The following MFSD6 variants were observed in gnomAD, a reference collection of about 807,000 sequenced individuals.
MFSD6 encodes major facilitator superfamily domain-containing protein 6.
Under a neutral mutation model 56.3 loss-of-function variants are expected in MFSD6, and 26 were observed. The ratio of observed to expected loss-of-function variants is 0.46; its 90% CI spans 0.34 to 0.64. The LOEUF is 0.64. Ranked by LOEUF, MFSD6 falls within the 30% of genes least tolerant of loss-of-function variation. The probability of loss-of-function intolerance (pLI) is 0.01; values close to 1 mark genes in which losing one functional copy is unlikely to be tolerated. For missense variants in MFSD6, 750 were observed against 986.2 expected (o/e 0.76, Z 3.21); for synonymous variants, 331 against 366.9 (o/e 0.90, Z 1.12).
Position 190,499,289 on chromosome 2 carries a change from T to G in MFSD6, c.2173-726T>G, listed in dbSNP as rs1689895662. Among the ~76,000 whole-genome samples, 1 of 152,224 alleles carries G rather than the reference T, an allele frequency of 6.6e-6. No homozygotes were observed. The highest frequency in any genetic ancestry group is 1.5e-5 in the Non-Finnish European group (1 of 68,036). On this transcript the variant is annotated intron_variant, in intron 7 of 7. Coordinates refer to ENST00000392328, the MANE Select transcript of MFSD6 (RefSeq NM_017694.4). This position sits in a 1 kb window ranked among gnomAD's most constrained non-coding sequence, Gnocchi z 6.0. ...TTCTTTCATTGTAGAATCACAGAAA[T>G]GAACATTTTTATTTGGGTGTTCAGC...
chr2:190,477,456 TGA>T lies in MFSD6; in HGVS notation c.1630+7603_1630+7604del, dbSNP rs1301509478. 5 of 758,220 alleles carry T rather than the reference TGA, an allele frequency of 6.6e-6. No individual in the cohort carries two copies. In the East Asian group the frequency reaches 3.9e-4, roughly 59 times the overall value. 47.0% of individuals were successfully genotyped at this position (758,220 alleles called of 1,614,324 possible). ...ACTTTTTTATCCTTTTAGTTTAAAATGAGTTAGGTGGAAAAGGACGGTTTCCA... is the reference window on the plus strand; with the variant it reads ...ACTTTTTTATCCTTTTAGTTTAAAATGTTAGGTGGAAAAGGACGGTTTCCA... On this transcript the variant is annotated intron_variant, in intron 4 of 7. Transcript: ENST00000392328.
rs1260228689 is a variant in MFSD6 at position 190,465,164 on chromosome 2, G to T, written c.1533-4594G>T. 6.6e-6 allele frequency among the ~76,000 whole-genome samples: 1 copy of T among 152,128 alleles called. No individual in the cohort carries two copies. Among genetic ancestry groups the T allele is most frequent in the Non-Finnish European group, 1.5e-5 (1 of 68,024 alleles). ...TTTTTTTCTCCTACTCTTGTAGTTT[G>T]CTCAAATACAGGATAAAAAACGAGT... On this transcript the variant is annotated intron_variant, in intron 3 of 7. Transcript: ENST00000392328. The surrounding 1 kb of genome is among the most constrained non-coding windows in gnomAD (Gnocchi z 4.6).
In MFSD6 at chr2:190,411,734, G is replaced by A. The variant is rs1690574553; in HGVS notation, c.-176+3231G>A. The A allele has an allele frequency of 1.1e-5, 11 of 985,256 alleles. No individual in the cohort carries two copies. In the South Asian group the frequency reaches 5.2e-4, roughly 46 times the overall value. The allele number at this position is 985,256 out of a possible 1,614,324, so 61.0% of individuals were successfully genotyped here. ...GTGAAAGGTGGCATACTGAGAATTG[G>A]GGGGCAAAGGGTAAAGAGTCTCAGG... is the stretch of plus-strand genomic sequence containing the variant. On this transcript the variant is annotated intron_variant, in intron 1 of 7. Coordinates refer to ENST00000392328, the MANE Select transcript of MFSD6 (RefSeq NM_017694.4).
rs970766326 is a variant in MFSD6 at position 190,462,301 on chromosome 2, T to C, written c.1533-7457T>C. On this transcript the variant is annotated intron_variant, in intron 3 of 7. Transcript: ENST00000392328. The surrounding 1 kb of genome is among the most constrained non-coding windows in gnomAD (Gnocchi z 5.7). ...AAAATGTGCACAGGACAAATTTTAG[T>C]GTTTCAGACACTGGCATTTAGCACC... 2.6e-5 allele frequency among the ~76,000 whole-genome samples: 4 copies of C among 152,178 alleles called. No individual in the cohort carries two copies. Among genetic ancestry groups the C allele is most frequent in the African/African-American group, 9.7e-5 (4 of 41,438 alleles).
At position 190,491,753 on chromosome 2, in the gene MFSD6, TTAACCTG is replaced by T. The variant is rs1689369097; in HGVS notation, c.1891+1888_1891+1894del. ...TAGTAATATGACAAAACAAGGTTCT[TTAACCTG>T]CCCCAACAAAATCACACTAGCACCA... On this transcript the variant is annotated intron_variant, in intron 6 of 7. Coordinates refer to ENST00000392328, the MANE Select transcript of MFSD6 (RefSeq NM_017694.4). This position sits in a 1 kb window ranked among gnomAD's most constrained non-coding sequence, Gnocchi z 4.2. 6.6e-6 allele frequency among the ~76,000 whole-genome samples: 1 copy of T among 152,160 alleles called. No homozygotes were observed.
chr2:190,467,353 C>G lies in MFSD6; in HGVS notation c.1533-2405C>G, dbSNP rs1687656556. ...TAAGAATTAAGGAGCTGGCTCATGC[C>G]TGTAATTCCAGCATTTTGGGAGGCC... On this transcript the variant is annotated intron_variant, in intron 3 of 7. Coordinates refer to ENST00000392328, the MANE Select transcript of MFSD6 (RefSeq NM_017694.4). This position sits in a 1 kb window ranked among gnomAD's most constrained non-coding sequence, Gnocchi z 5.5. Among the ~76,000 whole-genome samples the G allele has an allele frequency of 6.6e-6, 1 of 151,140 alleles. No individual in the cohort carries two copies. The highest frequency in any genetic ancestry group is 1.5e-5 in the Non-Finnish European group (1 of 67,504).
rs1687456480 is a variant in MFSD6, at chr2:190,463,803, G to C, written c.1533-5955G>C. The C allele has an allele frequency of 2.3e-6, 2 of 884,226 alleles. No individual in the cohort carries two copies. Among genetic ancestry groups the C allele is most frequent in the African/African-American group, 1.8e-5 (1 of 55,312 alleles). 54.8% of individuals were successfully genotyped at this position (884,226 alleles called of 1,614,324 possible). ...CTACTGCACTCCAGCCTGGGTAACA[G>C]AGCAAGACCCTGTCTCAAAAATAAA... On this transcript the variant is annotated intron_variant, in intron 3 of 7. Coordinates refer to ENST00000392328, the MANE Select transcript of MFSD6 (RefSeq NM_017694.4). This position sits in a 1 kb window ranked among gnomAD's most constrained non-coding sequence, Gnocchi z 4.4.
rs147725484 is a variant in MFSD6 at position 190,477,764 on chromosome 2, T to C, written c.1630+7909T>C. The stretch of plus-strand genomic sequence containing the variant: ...CTATACAGCATGTTAGATGGAATCA[T>C]AGAAAAATGTGCTAGGTAGCAGATA... On this transcript the variant is annotated intron_variant, in intron 4 of 7. Coordinates refer to ENST00000392328, the MANE Select transcript of MFSD6 (RefSeq NM_017694.4). Among the ~76,000 whole-genome samples, 8 of 152,260 alleles carry C rather than the reference T, an allele frequency of 5.3e-5. No individual in the cohort carries two copies. In the South Asian group the frequency reaches 1.2e-3, roughly 24 times the overall value.
chr2:190,486,419 G>T (rs1689011770), intron 4 of MFSD6, among the ~76,000 whole-genome samples: 1 of 152,170 alleles, frequency 6.6e-6, no homozygotes, highest in Non-Finnish European at 1.5e-5. Flanking sequence ...TCTCCTCTCT[G>T]GCATTCTGCC....
chr2:190,455,934 C>CTTTTTTTTTTTTTT (rs34054506), intron 3 of MFSD6, among the ~76,000 whole-genome samples: 3 of 65,388 alleles, frequency 4.6e-5, no homozygotes, highest in African/African-American at 6.6e-5. Flanking sequence ...ATTTACTCTG[C>CTTTTTTTTTTTTTT]TTTTTTTTTT....
intron 3 of MFSD6, among the ~76,000 whole-genome samples, chr2:190,468,528 G>T (rs1687726653): frequency 6.6e-6 from 1 of 150,900 alleles, no homozygotes; most frequent in Non-Finnish European, 1.5e-5. Flanking sequence ...TTATGGCTCA[G>T]GGCAGCCTAG....
chr2:190,477,123 G>A (rs1396735024), intron 4 of MFSD6: 4 of 291,962 alleles, frequency 1.4e-5, no homozygotes, highest in Non-Finnish European at 2.0e-5. Flanking sequence ...GTTAATGGGT[G>A]CAGCACACCA....
rs58171461 is a variant in MFSD6 at position 190,429,127 on chromosome 2, T to C, written c.-53-6850T>C. On this transcript the variant is annotated intron_variant, in intron 2 of 7. Transcript: ENST00000392328. ...TTGTGAGGTGCCTATTCAAGCTTTTTGCTTATTTTTCCTATTGGGTTACCT... is the reference window on the plus strand; with the variant it reads ...TTGTGAGGTGCCTATTCAAGCTTTTCGCTTATTTTTCCTATTGGGTTACCT... Among the ~76,000 whole-genome samples the C allele has an allele frequency of 4.5e-3, 678 of 152,244 alleles. 10 individuals are homozygous for C. The highest frequency in any genetic ancestry group is 0.015 in the African/African-American group (644 of 41,576).
rs1259499471 is a variant in MFSD6, at chr2:190,425,036, C to A, written c.-54+9623C>A. Among the ~76,000 whole-genome samples, 1 of 152,092 alleles carries A rather than the reference C, an allele frequency of 6.6e-6. No individual in the cohort carries two copies. Among genetic ancestry groups the A allele is most frequent in the Non-Finnish European group, 1.5e-5 (1 of 68,022 alleles). On this transcript the variant is annotated intron_variant, in intron 2 of 7. Coordinates refer to ENST00000392328, the MANE Select transcript of MFSD6 (RefSeq NM_017694.4). The surrounding 1 kb of genome is among the most constrained non-coding windows in gnomAD (Gnocchi z 4.3). ...TTAGCTCTTTGATTTCTTTCATCAG[C>A]ATTTTATGGTTTTCAGCATAAGGCC... is the stretch of plus-strand genomic sequence containing the variant.
intron 4 of MFSD6, among the ~76,000 whole-genome samples, chr2:190,480,475 A>G (rs1462146006): frequency 6.6e-6 from 1 of 152,252 alleles, no homozygotes; most frequent in Non-Finnish European, 1.5e-5. Context: ...TGAAAATTAA[A>G]TTTAAAGCTG....
intron 3 of MFSD6, among the ~76,000 whole-genome samples, chr2:190,449,414 C>T (rs1686693814): frequency 6.6e-6 from 1 of 151,814 alleles, no homozygotes; most frequent in Admixed American, 6.6e-5. Flanking sequence ...ATGGAGGTTG[C>T]AGTGAGCCGA....
At position 190,447,665 on chromosome 2, in the gene MFSD6, G is replaced by A. The variant is rs1686633702; in HGVS notation, c.1532+10104G>A. Among the ~76,000 whole-genome samples, 1 of 152,148 alleles carries A rather than the reference G, an allele frequency of 6.6e-6. No homozygotes were observed. The highest frequency in any genetic ancestry group is 2.1e-4 in the South Asian group (1 of 4,826). On this transcript the variant is annotated intron_variant, in intron 3 of 7. Transcript: ENST00000392328. This position sits in a 1 kb window ranked among gnomAD's most constrained non-coding sequence, Gnocchi z 4.5. The stretch of plus-strand genomic sequence containing the variant: ...AATTGCAGCTATTATTTATATGTGG[G>A]TAGATTTCTATTTTCCTATTCCTTT...
intron 3 of MFSD6, among the ~76,000 whole-genome samples, chr2:190,466,496 CTT>C (rs1687612520): frequency 6.6e-6 from 1 of 152,188 alleles, no homozygotes; most frequent in Non-Finnish European, 1.5e-5. Flanking sequence ...TGCGAATGCT[CTT>C]GTCTTTTGGA....
chr2:190,463,226 C>A lies in MFSD6; in HGVS notation c.1533-6532C>A, dbSNP rs1345571157. Among the ~76,000 whole-genome samples, 3 of 152,168 alleles carry A rather than the reference C, an allele frequency of 2.0e-5. No homozygotes were observed. In the East Asian group the frequency reaches 5.8e-4, roughly 29 times the overall value. On this transcript the variant is annotated intron_variant, in intron 3 of 7. Transcript: ENST00000392328. The surrounding 1 kb of genome is among the most constrained non-coding windows in gnomAD (Gnocchi z 4.4). ...AAATTTTCTAGACTAAGATTTAATT[C>A]TTTCAAGGCCTATCCTTTATATTTT...
Sources: allele counts gnomAD v4.1 joint callset (sites outside exome capture counted in the v4.1 genomes callset), GRCh38; gene constraint gnomAD v4.1.1; non-coding constraint Gnocchi (gnomAD v3.1); transcripts MANE v1.5; gene names NCBI Gene and HGNC (gene_info 2026-07-23, HGNC 2026-07-21).